AGBL4: variants seen among roughly 807,000 people sequenced by gnomAD.
The protein encoded by AGBL4 is AGBL carboxypeptidase 4, also known as cytosolic carboxypeptidase 6.
In AGBL4, 58 loss-of-function variants were observed where a neutral mutation model predicts 66.4. The ratio of observed to expected loss-of-function variants is 0.87; its 90% CI spans 0.71 to 1.09. The LOEUF (loss-of-function observed/expected upper bound fraction) is 1.09. Ranked by LOEUF, AGBL4 falls within the 50% of genes least tolerant of loss-of-function variation. The pLI is 0.00. For missense variants in AGBL4, 579 were observed against 631.0 expected, an observed-to-expected ratio of 0.92 and a Z score of 0.88; for synonymous variants, 234 against 222.9, an observed-to-expected ratio of 1.05 and a Z score of -0.44.
At chr1:49,489,020 A>G (rs1647130212) in intron 3 of AGBL4, among the ~76,000 whole-genome samples, 2 of 151,952 alleles carry the variant, frequency 1.3e-5, no homozygotes, top group South Asian at 4.2e-4. Context: ...TTTTTGATAT[A>G]CTGATTTCCT....
intron 3 of AGBL4, among the ~76,000 whole-genome samples, chr1:49,421,759 C>G (rs905599726): frequency 1.3e-5 from 2 of 152,044 alleles, no homozygotes; most frequent in African/African-American, 4.8e-5. Context: ...GGTACTTTCC[C>G]ATCTCTTGAC....
At chr1:48,751,349 T>A (rs1448353368) in intron 6 of AGBL4, among the ~76,000 whole-genome samples, 1 of 152,132 alleles carries the variant, frequency 6.6e-6, no homozygotes, top group Non-Finnish European at 1.5e-5. Context: ...GAAGGCCTAA[T>A]CAGGAGGCAG....
chr1:48,938,709 C>T (rs1340035143), intron 5 of AGBL4, among the ~76,000 whole-genome samples: 1 of 152,198 alleles, frequency 6.6e-6, no homozygotes, highest in Non-Finnish European at 1.5e-5. Flanking sequence ...ATACTCTTTT[C>T]TCTGCCCCTA....
At chr1:49,591,111 C>T (rs1198310632) in intron 3 of AGBL4, among the ~76,000 whole-genome samples, 6 of 151,382 alleles carry the variant, frequency 4.0e-5, no homozygotes, top group Non-Finnish European at 1.5e-5. Context: ...CTTAGGAAAC[C>T]AGAAAAAAGC....
At chr1:48,989,383 T>C (rs956491877) in intron 5 of AGBL4, among the ~76,000 whole-genome samples, 3 of 152,192 alleles carry the variant, frequency 2.0e-5, no homozygotes, top group African/African-American at 7.2e-5. Context: ...AATTCAATTA[T>C]ACTTTTTAAG....
intron 3 of AGBL4, among the ~76,000 whole-genome samples, chr1:49,509,951 G>C (rs1313811957): frequency 6.6e-6 from 1 of 151,994 alleles, no homozygotes; most frequent in Non-Finnish European, 1.5e-5. Context: ...CTGAACTCTT[G>C]TATCTCAATC....
chr1:48,753,532 C>T (rs547249770), intron 6 of AGBL4, among the ~76,000 whole-genome samples: 5 of 152,286 alleles, frequency 3.3e-5, no homozygotes, highest in African/African-American at 1.2e-4. Context: ...TTTTAGCGGA[C>T]CTTGGACAGC....
At chr1:49,404,425 T>C (rs1489576465) in intron 3 of AGBL4, among the ~76,000 whole-genome samples, 8 of 152,138 alleles carry the variant, frequency 5.3e-5, no homozygotes, top group Admixed American at 2.0e-4. Flanking sequence ...TGTGAGAACA[T>C]AAATTTCTGT....
chr1:48,682,392 C>A (rs1385610043), intron 6 of AGBL4, among the ~76,000 whole-genome samples: 2 of 151,430 alleles, frequency 1.3e-5, no homozygotes, highest in African/African-American at 2.4e-5. Flanking sequence ...ATATTGCTTA[C>A]AGGTTAACAG....
intron 11 of AGBL4, among the ~76,000 whole-genome samples, chr1:48,555,756 A>T (rs547471924): frequency 1.3e-4 from 20 of 152,264 alleles, no homozygotes; most frequent in African/African-American, 4.1e-4. Context: ...TCCAGGGAGA[A>T]TGGTGAGTTA....
intron 6 of AGBL4, among the ~76,000 whole-genome samples, chr1:48,826,020 C>T (rs1410715104): frequency 6.6e-6 from 1 of 152,136 alleles, no homozygotes; most frequent in Non-Finnish European, 1.5e-5. Context: ...TCTACCTTCA[C>T]CCACAATTCA....
intron 5 of AGBL4, among the ~76,000 whole-genome samples, chr1:49,022,310 A>C (rs576446658): frequency 6.6e-6 from 1 of 152,254 alleles, no homozygotes; most frequent in South Asian, 2.1e-4. Context: ...CCAAGATGCT[A>C]TCAAGAAAAA....
chr1:48,957,513 C>T (rs181918798), intron 5 of AGBL4, among the ~76,000 whole-genome samples: 22 of 152,270 alleles, frequency 1.4e-4, no homozygotes, highest in Admixed American at 1.3e-3. Context: ...TCTACTAGGT[C>T]ATGCTACATT....
At chr1:49,656,504 T>G (rs565464729) in intron 3 of AGBL4, among the ~76,000 whole-genome samples, 26 of 152,314 alleles carry the variant, frequency 1.7e-4, no homozygotes, top group Non-Finnish European at 2.5e-4. Context: ...TAACTCATTT[T>G]ATGAGGCCAG....
chr1:48,707,722 A>G (rs1262305588), intron 6 of AGBL4, among the ~76,000 whole-genome samples: 2 of 152,100 alleles, frequency 1.3e-5, no homozygotes, highest in East Asian at 3.9e-4. Context: ...GGAACTGCCA[A>G]TGTGAGGTCT....
rs367806153 is a variant in AGBL4, at chr1:49,276,969, G to A, written c.283-31105C>T. 3.5e-4 allele frequency among the ~76,000 whole-genome samples: 53 copies of A among 152,016 alleles called. 1 individual carries two copies. The South Asian group carries it at 9.6e-3, about 27-fold the overall frequency. Reference sequence around the variant, plus strand: ...GAATGAGTTCTCCCTTGGTCCCTACGTTATTTAGCAATAGCCAAAGGATAT... The same window carrying A: ...GAATGAGTTCTCCCTTGGTCCCTACATTATTTAGCAATAGCCAAAGGATAT... On this transcript the variant is annotated intron_variant, in intron 3 of 13. Transcript: ENST00000371839.
At chr1:48,583,024 T>C (rs1290579839) in intron 11 of AGBL4, among the ~76,000 whole-genome samples, 3 of 152,164 alleles carry the variant, frequency 2.0e-5, no homozygotes, top group Non-Finnish European at 4.4e-5. Context: ...CAGTATCCTC[T>C]AGCTAATTAG....
chr1:49,915,590 C>T (rs1353837506), intron 1 of AGBL4, among the ~76,000 whole-genome samples: 1 of 152,194 alleles, frequency 6.6e-6, no homozygotes, highest in Non-Finnish European at 1.5e-5. Context: ...GGCCCACAAG[C>T]TCGAACTGGG....
At chr1:49,578,969 T>G (rs1469155771) in intron 3 of AGBL4, among the ~76,000 whole-genome samples, 1 of 152,154 alleles carries the variant, frequency 6.6e-6, no homozygotes, top group African/African-American at 2.4e-5. Flanking sequence ...CACCCTTAAT[T>G]GGGTGGGTGC....
Sources: gnomAD v4.1 joint callset for allele counts (sites outside exome capture counted in the v4.1 genomes callset) on GRCh38, gnomAD v4.1.1 for gene constraint, MANE v1.5 for transcripts, NCBI Gene and HGNC (gene_info 2026-07-23, HGNC 2026-07-21) for gene names.